XYLT1: variants seen among roughly 807,000 people sequenced by gnomAD.
XYLT1 encodes beta-D-xylosyltransferase 1.
In XYLT1, 36 loss-of-function variants were observed where a neutral mutation model predicts 91.3. The observed-to-expected ratio is 0.39, with a 90% CI of 0.30 to 0.52. The LOEUF (loss-of-function observed/expected upper bound fraction) is 0.52. Ranked by LOEUF, XYLT1 falls within the 20% of genes least tolerant of loss-of-function variation. The pLI, the probability that XYLT1 is intolerant of heterozygous loss-of-function variation, is 0.68. For synonymous variants in XYLT1, 588 were observed against 532.0 expected, an observed-to-expected ratio of 1.11 and a Z score of -1.45; for missense variants, 1,242 against 1,284.5, an observed-to-expected ratio of 0.97 and a Z score of 0.51.
chr16:17,447,428 A>T lies in XYLT1; in HGVS notation c.363+23006T>A, dbSNP rs577541347. 1.1e-4 allele frequency among the ~76,000 whole-genome samples: 17 copies of T among 152,364 alleles called. No individual in the cohort carries two copies. The South Asian group carries it at 3.5e-3, about 32-fold the overall frequency. ...TAGACCCTGTGCCAGGCTCTGGGAC[A>T]AATCCCACATTATTTTATAAAACGC... On this transcript the variant is annotated intron_variant, in intron 1 of 11. Transcript: ENST00000261381.
At chr16:17,363,759 G>T (rs1429591281) in intron 1 of XYLT1, among the ~76,000 whole-genome samples, 1 of 152,162 alleles carries the variant, frequency 6.6e-6, no homozygotes, top group African/African-American at 2.4e-5. Context: ...AGCCAGGCTG[G>T]TCTTGAACTC....
chr16:17,379,751 TCTCTCTC>T (rs1567401394), intron 1 of XYLT1, among the ~76,000 whole-genome samples: 8 of 124,530 alleles, frequency 6.4e-5, no homozygotes, highest in African/African-American at 2.5e-4. Flanking sequence ...TCTCTCTCTC[TCTCTCTC>T]TCTCTCACAC....
At chr16:17,248,586 C>T (rs1358842214) in intron 3 of XYLT1, among the ~76,000 whole-genome samples, 1 of 152,128 alleles carries the variant, frequency 6.6e-6, no homozygotes, top group African/African-American at 2.4e-5. Context: ...ATCAACACCT[C>T]TGCCTACCCG....
chr16:17,244,519 C>A (rs2033402830), intron 3 of XYLT1, among the ~76,000 whole-genome samples: 1 of 152,146 alleles, frequency 6.6e-6, no homozygotes, highest in African/African-American at 2.4e-5. Flanking sequence ...CAGTTTGATG[C>A]TGTCTATCAC....
Position 17,351,164 on chromosome 16 carries a change from C to T in XYLT1, c.402+6848G>A, listed in dbSNP as rs567705516. ...ACATGATGTACATGTTCCTGTGTATCATGGGTCATTGTGTACCCAGAGTCA... is the reference window on the plus strand; with the variant it reads ...ACATGATGTACATGTTCCTGTGTATTATGGGTCATTGTGTACCCAGAGTCA... On this transcript the variant is annotated intron_variant, in intron 2 of 11. Transcript: ENST00000261381. 7.9e-5 allele frequency among the ~76,000 whole-genome samples: 12 copies of T among 152,252 alleles called. No homozygotes were observed. The South Asian group carries it at 2.5e-3, about 32-fold the overall frequency.
intron 2 of XYLT1, among the ~76,000 whole-genome samples, chr16:17,300,883 T>G (rs2034385462): frequency 6.6e-6 from 1 of 152,172 alleles, no homozygotes; most frequent in African/African-American, 2.4e-5. Flanking sequence ...TGCTATAAGT[T>G]AGACTGTGCT....
intron 8 of XYLT1, chr16:17,137,635 C>T (rs995955363): frequency 6.6e-6 from 1 of 150,410 alleles, no homozygotes; most frequent in African/African-American, 2.5e-5. Flanking sequence ...GAGCATTCCC[C>T]ACCCTCCTGC....
intron 3 of XYLT1, among the ~76,000 whole-genome samples, chr16:17,247,110 T>C (rs1052086544): frequency 6.6e-5 from 10 of 151,540 alleles, no homozygotes; most frequent in African/African-American, 2.4e-4. Flanking sequence ...AAAGGAGAGA[T>C]AGCTAGTCTT....
At chr16:17,298,864 G>A (rs2034353957) in intron 2 of XYLT1, among the ~76,000 whole-genome samples, 1 of 152,132 alleles carries the variant, frequency 6.6e-6, no homozygotes, top group Non-Finnish European at 1.5e-5. Context: ...CCCTATGAGA[G>A]CCACCACCCC....
chr16:17,353,008 C>T (rs1045419483), intron 2 of XYLT1, among the ~76,000 whole-genome samples: 9 of 152,204 alleles, frequency 5.9e-5, no homozygotes, highest in African/African-American at 1.9e-4. Context: ...GCTACAGGAG[C>T]CCTGTTCACA....
At position 17,204,224 on chromosome 16, in the gene XYLT1, C is replaced by G. The variant is rs28445917; in HGVS notation, c.914-3570G>C. Among the ~76,000 whole-genome samples, 1,278 of 152,294 alleles carry G rather than the reference C, an allele frequency of 8.4e-3. 16 individuals carry two copies. The highest frequency in any genetic ancestry group is 0.029 in the African/African-American group (1,203 of 41,568). On this transcript the variant is annotated intron_variant, in intron 3 of 11. Transcript: ENST00000261381. ...TTTAAAAAGGGCTTGGATGTTGATG[C>G]TGAGGTCTTTTACAACTTCTCTTTA...
At chr16:17,168,124 G>A (rs540094892) in intron 5 of XYLT1, among the ~76,000 whole-genome samples, 6 of 152,304 alleles carry the variant, frequency 3.9e-5, no homozygotes, top group African/African-American at 1.4e-4. Flanking sequence ...TTCAAATGCA[G>A]TCAAAGCACA....
intron 1 of XYLT1, among the ~76,000 whole-genome samples, chr16:17,425,128 A>G (rs570235775): frequency 5.7e-4 from 86 of 152,148 alleles, no homozygotes; most frequent in Non-Finnish European, 1.1e-3. Flanking sequence ...GTAAGGAGGA[A>G]TGGTCTTTAG....
At chr16:17,185,851 A>G (rs557110241) in intron 5 of XYLT1, among the ~76,000 whole-genome samples, 2 of 152,206 alleles carry the variant, frequency 1.3e-5, no homozygotes, top group South Asian at 4.1e-4. Flanking sequence ...AAATACAAAA[A>G]TCAGCCAGAT....
rs1039421362 is a variant in XYLT1 at position 17,199,133 on chromosome 16, G to A, written c.1087-719C>T. Among the ~76,000 whole-genome samples the A allele has an allele frequency of 2.0e-5, 3 of 152,262 alleles. No homozygotes were observed. In the South Asian group the frequency reaches 6.2e-4, roughly 32 times the overall value. On this transcript the variant is annotated intron_variant, in intron 4 of 11. Coordinates refer to ENST00000261381, the MANE Select transcript of XYLT1 (RefSeq NM_022166.4). The stretch of plus-strand genomic sequence containing the variant: ...TCCATCTAAACCCATGTATATTTCG[G>A]AGGCAGAATTTTTGTTTTCTGTCCC...
chr16:17,350,125 C>T (rs1010373082), intron 2 of XYLT1, among the ~76,000 whole-genome samples: 3 of 152,156 alleles, frequency 2.0e-5, no homozygotes, highest in East Asian at 1.9e-4. Flanking sequence ...CCGCCTGCCT[C>T]GGCCTCCCAA....
chr16:17,384,435 T>C (rs951020789), intron 1 of XYLT1, among the ~76,000 whole-genome samples: 1 of 151,900 alleles, frequency 6.6e-6, no homozygotes, highest in African/African-American at 2.4e-5. Flanking sequence ...CTGACTCTTA[T>C]ATATTTTGTT....
In XYLT1 at chr16:17,342,530, G is replaced by A. The variant is rs199861188; in HGVS notation, c.402+15482C>T. Reference sequence around the variant, plus strand: ...TGAGGTTGGGAGTTCGAGACCAGCCGGGCCAACATGGTGAAACCCCATCTC... The same window carrying A: ...TGAGGTTGGGAGTTCGAGACCAGCCAGGCCAACATGGTGAAACCCCATCTC... On this transcript the variant is annotated intron_variant, in intron 2 of 11. Transcript: ENST00000261381. Among the ~76,000 whole-genome samples the A allele has an allele frequency of 1.3e-4, 20 of 151,942 alleles. 1 individual carries two copies. The highest frequency in any genetic ancestry group is 1.2e-4 in the African/African-American group (5 of 41,358).
At chr16:17,183,771 C>T (rs927375419) in intron 5 of XYLT1, among the ~76,000 whole-genome samples, 1 of 152,036 alleles carries the variant, frequency 6.6e-6, no homozygotes, top group African/African-American at 2.4e-5. Flanking sequence ...CTACTATTGA[C>T]CATGCTGGAC....
Sources: allele counts gnomAD v4.1 joint callset (sites outside exome capture counted in the v4.1 genomes callset), GRCh38; gene constraint gnomAD v4.1.1; transcripts MANE v1.5; gene names NCBI Gene and HGNC (gene_info 2026-07-23, HGNC 2026-07-21).